The following TCEAL4 variants were observed in gnomAD, a reference collection of about 807,000 sequenced individuals.
TCEAL4 encodes transcription elongation factor A protein-like 4.
In TCEAL4, 1 loss-of-function variant was observed where a neutral mutation model predicts 1.3. The ratio of observed to expected loss-of-function variants is 0.79; its 90% CI spans 0.28 to 3.76. The LOEUF is 3.76. Ranked by LOEUF, TCEAL4 falls within the 30% of genes most tolerant of loss-of-function variation. TCEAL4 has a pLI of 0.18. For missense variants in TCEAL4, 129 were observed against 154.7 expected (o/e 0.83, Z 0.88); for synonymous variants, 54 against 50.7 (o/e 1.06, Z -0.28).
chrX:103,582,979 C>G (rs1196391903), upstream of TCEAL4, among the ~76,000 whole-genome samples: 1 of 111,666 alleles, frequency 9.0e-6, no homozygotes, highest in African/African-American at 3.3e-5. Flanking sequence ...ATTTATCCAT[C>G]TGACAAAGGT....
chrX:103,585,449 A>C (rs1603161703), upstream of TCEAL4: 1 of 1,078,473 alleles, frequency 9.3e-7, no homozygotes, highest in Non-Finnish European at 1.2e-6. Context: ...GGGTGGCTGG[A>C]AGCGGCTGGC....
At position 103,585,549 on chromosome X, in the gene TCEAL4, C is replaced by A; in HGVS notation, c.-176C>A. The A allele has an allele frequency of 2.9e-5, 34 of 1,161,511 alleles. No individual in the cohort carries two copies. Among genetic ancestry groups the A allele is most frequent in the Non-Finnish European group, 3.9e-5 (34 of 869,523 alleles). ...CAGATGTAGGCACCGGTCCGAGTGCCTGCCCTCTGTCCCCGCGGCTGGGTC... is the reference window on the plus strand; with the variant it reads ...CAGATGTAGGCACCGGTCCGAGTGCATGCCCTCTGTCCCCGCGGCTGGGTC... On this transcript the variant is annotated 5_prime_UTR_variant, in exon 1 of 3. It adds an upstream start codon to the 5' untranslated region. Coordinates refer to ENST00000472484, the MANE Select transcript of TCEAL4 (RefSeq NM_001006935.3).
chrX:103,580,139 T>C (rs752683664), intron 2 of TCEAL4, among the ~76,000 whole-genome samples: 1 of 112,370 alleles, frequency 8.9e-6, no homozygotes, highest in East Asian at 2.8e-4. Flanking sequence ...TATCACTTAC[T>C]TGTGGCTGTC....
chrX:103,585,759 C>T lies in TCEAL4; in HGVS notation c.-101+135C>T, dbSNP rs745873648. On this transcript the variant is annotated intron_variant, in intron 1 of 2. Coordinates refer to ENST00000472484, the MANE Select transcript of TCEAL4 (RefSeq NM_001006935.3). ...CTGGCCCGAGTGTGGACAGAGATGG[C>T]GGTGGGAAAACGGCTAGGGGTGGCT... 121 of 1,141,870 alleles carry T rather than the reference C, an allele frequency of 1.1e-4. 1 individual carries two copies. The South Asian group carries it at 2.4e-3, about 22-fold the overall frequency. 94.1% of individuals were successfully genotyped at this position (1,141,870 alleles called of 1,213,427 possible). A position where few individuals can be genotyped will look rare whatever the true frequency, so the allele number is the denominator to read the frequency against.
exon 2 of TCEAL4, chrX:103,577,172 G>A: frequency 8.6e-7 from 1 of 1,166,913 alleles, no homozygotes; most frequent in Non-Finnish European, 1.1e-6. Flanking sequence ...ATCATATGTG[G>A]AGCGGGACAT....
At chrX:103,581,101 C>A (rs1371004535), upstream of TCEAL4, among the ~76,000 whole-genome samples, 1 of 111,808 alleles carries the variant, frequency 8.9e-6, no homozygotes, top group Non-Finnish European at 1.9e-5. Flanking sequence ...ACTACAAACA[C>A]CTTTATGCAC....
chrX:103,577,260 G>C, intron 2 of TCEAL4: 1 of 1,115,060 alleles, frequency 9.0e-7, no homozygotes, highest in Non-Finnish European at 1.2e-6. Context: ...ATAGATCAAT[G>C]TTGTTAATAG....
intron 1 of TCEAL4, chrX:103,585,999 G>T (rs1264380281): frequency 2.8e-6 from 3 of 1,076,858 alleles, no homozygotes; most frequent in Non-Finnish European, 3.6e-6. Context: ...GGCTGGGGAG[G>T]AGAGTTGCCT....
At position 103,577,245 on chromosome X, in the gene TCEAL4, A is replaced by G. The variant is rs940036207; in HGVS notation, c.183+32A>G. On this transcript the variant is annotated intron_variant, in intron 2 of 4. Transcript: ENST00000372629. ...AAATGGATGCAATATGCATATAGATATTCAATAGATCAATGTTGTTAATAG... is the reference window on the plus strand; with the variant it reads ...AAATGGATGCAATATGCATATAGATGTTCAATAGATCAATGTTGTTAATAG... The G allele has an allele frequency of 6.1e-6, 7 of 1,140,347 alleles. No individual in the cohort carries two copies. In the African/African-American group the frequency reaches 9.0e-5, roughly 15 times the overall value. 94.0% of individuals were successfully genotyped at this position (1,140,347 alleles called of 1,213,427 possible).
chrX:103,579,109 T>C (rs2073496273), intron 2 of TCEAL4, among the ~76,000 whole-genome samples: 1 of 112,386 alleles, frequency 8.9e-6, no homozygotes, highest in Non-Finnish European at 1.9e-5. Flanking sequence ...CATAGTTGAA[T>C]TTTCTTGGCA....
At chrX:103,577,051 C>T in intron 1 of TCEAL4, 1 of 1,139,407 alleles carries the variant, frequency 8.8e-7, no homozygotes. Flanking sequence ...AAAAGTCACA[C>T]AAAGTGATTT....
intron 1 of TCEAL4, chrX:103,577,004 C>T: frequency 9.6e-7 from 1 of 1,042,951 alleles, no homozygotes; most frequent in Non-Finnish European, 1.3e-6. Context: ...TCCAAAAATG[C>T]CAGGCAGATC....
At chrX:103,583,938 T>A (rs569112845), upstream of TCEAL4, among the ~76,000 whole-genome samples, 1 of 112,235 alleles carries the variant, frequency 8.9e-6, no homozygotes, top group South Asian at 3.8e-4. Context: ...ATATTAATTT[T>A]TTTTTTTGAG....
At chrX:103,586,336 TGA>T in intron 2 of TCEAL4, 45 bp downstream of exon 2, 1 of 1,158,096 alleles carries the variant, frequency 8.6e-7, no homozygotes, top group Non-Finnish European at 1.2e-6. Context: ...CCACAAGGGT[TGA>T]GAGTGTGGAG....
rs779125308 is a variant in TCEAL4, at chrX:103,586,314, A to G, written c.-28+23A>G. ...CAGGTCCGTGAAAGTACGGGGCTGC[A>G]TGGACAGGGGCCCACAAGGGTTGAG... is the stretch of plus-strand genomic sequence containing the variant. On this transcript the variant is annotated intron_variant, in intron 2 of 2. Transcript: ENST00000472484. The G allele has an allele frequency of 4.3e-5, 50 of 1,164,066 alleles. No individual in the cohort carries two copies. The East Asian group carries it at 1.6e-3, about 36-fold the overall frequency.
intron 1 of TCEAL4, chrX:103,586,017 A>G (rs190874624): frequency 2.0e-5 from 22 of 1,075,352 alleles, no homozygotes; most frequent in African/African-American, 3.8e-5. Context: ...CCTCTGAGGA[A>G]GAAGGGCACA....
intron 1 of TCEAL4, chrX:103,576,965 A>G: frequency 1.2e-6 from 1 of 820,702 alleles, no homozygotes; most frequent in South Asian, 3.3e-5. Flanking sequence ...GAATTGTTAC[A>G]TGGCAGCTGC....
At chrX:103,584,316 TCC>T (rs922115451), upstream of TCEAL4, among the ~76,000 whole-genome samples, 3 of 111,873 alleles carry the variant, frequency 2.7e-5, no homozygotes, top group Non-Finnish European at 5.6e-5. Context: ...AGTGCATGTG[TCC>T]CCAGTCCTTC....
intron 2 of TCEAL4, among the ~76,000 whole-genome samples, chrX:103,579,523 C>T (rs887443310): frequency 8.9e-6 from 1 of 112,270 alleles, no homozygotes; most frequent in East Asian, 2.7e-4. Flanking sequence ...GTTTTATTAT[C>T]TTTATGCTAT....
Sources: allele counts gnomAD v4.1 joint callset (sites outside exome capture counted in the v4.1 genomes callset), GRCh38; gene constraint gnomAD v4.1.1; transcripts MANE v1.5; gene names NCBI Gene and HGNC (gene_info 2026-07-23, HGNC 2026-07-21).